MORC1: variants seen among roughly 807,000 people sequenced by gnomAD.
MORC1 encodes the protein MORC family CW-type zinc finger 1.
MORC1 carries 59 observed loss-of-function variants against 134.9 expected under a neutral mutation model. The observed-to-expected ratio is 0.44, with a 90% CI of 0.35 to 0.54. The LOEUF (loss-of-function observed/expected upper bound fraction) is 0.54, where lower values mean the gene tolerates loss of function less well. MORC1 is among the 20% of genes least tolerant of loss of function. The probability of loss-of-function intolerance (pLI) is 0.00; values close to 1 mark genes in which losing one functional copy is unlikely to be tolerated. For missense variants in MORC1, 947 were observed against 1,134.5 expected, an observed-to-expected ratio of 0.83 and a Z score of 2.37; for synonymous variants, 395 against 391.7, an observed-to-expected ratio of 1.01 and a Z score of -0.10.
rs755961082 is a variant in MORC1, at chr3:109,032,780, T to C, written c.1505A>G (p.Gln502Arg). The C allele has an allele frequency of 8.7e-6, 14 of 1,608,818 alleles. No individual in the cohort carries two copies. The highest frequency in any genetic ancestry group is 1.1e-5 in the South Asian group (1 of 90,132). Reference protein sequence around the residue: ...WRVLPSSTNYQEKEFFDIWIC... With the variant: ...WRVLPSSTNYREKEFFDIWIC... The stretch of plus-strand genomic sequence containing the variant: ...CCAAATGTCAAAAAATTCTTTTTCC[T>C]GATAATTAGTAGAGGAAGGCAAGAC... Residue 502 changes from glutamine (Q) to arginine (R), a missense_variant, in exon 16 of 28, where the codon CAG becomes CGG. This residue lies in a region of MORC1 where 722 missense variants were observed against 817.0 expected (regional missense o/e 0.88). Coordinates refer to ENST00000232603, the MANE Select transcript of MORC1 (RefSeq NM_014429.4).
intron 3 of MORC1, among the ~76,000 whole-genome samples, chr3:109,104,865 T>TC (rs1950994248): frequency 1.1e-5 from 1 of 87,700 alleles, no homozygotes; most frequent in East Asian, 6.1e-4. Flanking sequence ...TGACAAATTT[T>TC]AACACACACA....
chr3:109,033,302 AAGGAAGGAAGGAAGGAAG>A (rs1949284748), intron 15 of MORC1, among the ~76,000 whole-genome samples: 2 of 63,226 alleles, frequency 3.2e-5, no homozygotes, highest in South Asian at 1.8e-3. Flanking sequence ...GGAAGGAAGG[AAGGAAGGAAGGAAGGAAG>A]GAAGGAAGGA....
At chr3:109,083,078 C>A (rs748744737) in intron 8 of MORC1, among the ~76,000 whole-genome samples, 1 of 151,952 alleles carries the variant, frequency 6.6e-6, no homozygotes, top group African/African-American at 2.4e-5. Context: ...ATTCGTCTAG[C>A]AATATACTTT....
intron 4 of MORC1, among the ~76,000 whole-genome samples, chr3:109,101,715 ATAC>A (rs1297516627): frequency 6.6e-6 from 1 of 152,260 alleles, no homozygotes; most frequent in Non-Finnish European, 1.5e-5. Context: ...TACTATGTTT[ATAC>A]TTACATGCAC....
chr3:109,100,032 T>C (rs111383461), intron 5 of MORC1, among the ~76,000 whole-genome samples: 5 of 152,172 alleles, frequency 3.3e-5, no homozygotes, highest in African/African-American at 1.2e-4. Flanking sequence ...TTACTTGAGG[T>C]CAGGAGTTCG....
intron 3 of MORC1, among the ~76,000 whole-genome samples, chr3:109,104,997 AC>A (rs1950999662): frequency 6.6e-6 from 1 of 151,856 alleles, no homozygotes; most frequent in African/African-American, 2.4e-5. Context: ...ACGTCCCATC[AC>A]CCTCACCTTA....
At chr3:108,982,584 G>GGC (rs67145040) in intron 23 of MORC1, among the ~76,000 whole-genome samples, 4 of 53,644 alleles carry the variant, frequency 7.5e-5, no homozygotes, top group Non-Finnish European at 1.7e-4. Context: ...GTCGTGGGAT[G>GGC]GGGGGGGCAG....
intron 21 of MORC1, among the ~76,000 whole-genome samples, chr3:108,997,338 C>G (rs1019148415): frequency 6.6e-6 from 1 of 152,020 alleles, no homozygotes; most frequent in Non-Finnish European, 1.5e-5. Flanking sequence ...TTTGGGCCAG[C>G]CTTGCCAAGA....
intron 24 of MORC1, among the ~76,000 whole-genome samples, chr3:108,972,152 A>T (rs1023142757): frequency 3.9e-5 from 6 of 152,172 alleles, no homozygotes; most frequent in Admixed American, 3.3e-4. Flanking sequence ...CAGGTGCTTC[A>T]TTTTGTCAAA....
intron 8 of MORC1, among the ~76,000 whole-genome samples, chr3:109,073,407 G>T (rs375271869): frequency 0.09 from 4,897 of 54,322 alleles, 252 homozygotes; most frequent in African/African-American, 0.19. Flanking sequence ...CTTTGATTCT[G>T]CCACTTTGAT....
intron 27 of MORC1, among the ~76,000 whole-genome samples, 162 bp from the exon 28 acceptor site, chr3:108,959,282 A>C (rs1947016877): frequency 6.6e-6 from 1 of 152,144 alleles, no homozygotes; most frequent in South Asian, 2.1e-4. Flanking sequence ...TTCTCATTTA[A>C]TGTCATTTTA....
At chr3:109,029,740 A>G (rs745489736) in intron 16 of MORC1, among the ~76,000 whole-genome samples, 1 of 152,224 alleles carries the variant, frequency 6.6e-6, no homozygotes, top group Non-Finnish European at 1.5e-5. Flanking sequence ...CTCTCCGGGT[A>G]TTACTGAATA....
intron 13 of MORC1, 123 bp from the exon 14 acceptor site, chr3:109,055,005 T>C (rs961146974): frequency 9.1e-6 from 8 of 877,316 alleles, no homozygotes; most frequent in African/African-American, 3.5e-5. Context: ...ATCTGGACCA[T>C]GTCAAAGTTT....
intron 21 of MORC1, among the ~76,000 whole-genome samples, chr3:108,990,898 T>TTCTCTCTCTCTCTCTCTC (rs34333221): frequency 6.2e-5 from 9 of 145,662 alleles, no homozygotes; most frequent in African/African-American, 2.3e-4. Flanking sequence ...GTTTCTCTCT[T>TTCTCTCTCTCTCTCTCTC]TCTCTCTCTC....
At chr3:109,070,280 T>C (rs1320607463) in intron 8 of MORC1, among the ~76,000 whole-genome samples, 4 of 152,162 alleles carry the variant, frequency 2.6e-5, no homozygotes, top group Non-Finnish European at 4.4e-5. Context: ...TAAGTATTTA[T>C]GGCCAGCTGA....
At chr3:109,023,885 T>C (rs993641379) in intron 17 of MORC1, among the ~76,000 whole-genome samples, 1 of 152,204 alleles carries the variant, frequency 6.6e-6, no homozygotes, top group African/African-American at 2.4e-5. Context: ...TCACTCGGTA[T>C]AGAAAACAGC....
intron 7 of MORC1, 55 bp from the exon 8 acceptor site, chr3:109,093,596 G>A (rs1950770556): frequency 1.6e-6 from 2 of 1,241,954 alleles, no homozygotes; most frequent in Admixed American, 1.8e-5. Context: ...CTAAATGCTA[G>A]TCATTGTGCT....
intron 14 of MORC1, among the ~76,000 whole-genome samples, chr3:109,049,883 A>C (rs1949781563): frequency 6.6e-6 from 1 of 152,218 alleles, no homozygotes; most frequent in Non-Finnish European, 1.5e-5. Flanking sequence ...ACACTTTAAA[A>C]TACAATACTA....
rs1335853867 is a variant in MORC1, at chr3:108,969,002, T to C, written c.2604+667A>G. Among the ~76,000 whole-genome samples, 40 of 151,880 alleles carry C rather than the reference T, an allele frequency of 2.6e-4. 1 individual carries two copies. Among genetic ancestry groups the C allele is most frequent in the Admixed American group, 2.4e-3 (37 of 15,218 alleles). On this transcript the variant is annotated intron_variant, in intron 26 of 27. Transcript: ENST00000232603. ...GTAAAATAAGGGATTTGAGGACATA[T>C]GATTTTTTGAGATACTTCTGTAGTA...
Sources: allele counts gnomAD v4.1 joint callset (sites outside exome capture counted in the v4.1 genomes callset), GRCh38; gene constraint gnomAD v4.1.1; regional missense constraint gnomAD v4.1.1; transcripts MANE v1.5; gene names NCBI Gene and HGNC (gene_info 2026-07-23, HGNC 2026-07-21).